The following TBCK variants were observed in gnomAD, a reference collection of about 807,000 sequenced individuals.
The protein encoded by TBCK is TBC1 domain containing kinase, also known as TBC domain-containing protein kinase-like protein.
A neutral mutation model predicts 113.4 loss-of-function variants in TBCK; 99 were observed. The observed-to-expected ratio is 0.87, with a 90% CI of 0.74 to 1.03. The LOEUF (loss-of-function observed/expected upper bound fraction) is 1.03, where lower values mean the gene tolerates loss of function less well. TBCK is among the 50% of genes least tolerant of loss of function. The pLI is 0.00. For synonymous variants in TBCK, 369 were observed against 370.8 expected (o/e 1.00, Z 0.05); for missense variants, 1,045 against 1,061.3 (o/e 0.98, Z 0.21).
At chr4:106,245,890 C>A (rs766296723) in intron 10 of TBCK, among the ~76,000 whole-genome samples, 1 of 152,028 alleles carries the variant, frequency 6.6e-6, no homozygotes, top group Non-Finnish European at 1.5e-5. Flanking sequence ...TCATTTAGAT[C>A]CCATTAGCCA....
chr4:106,290,279 G>A lies in TBCK; in HGVS notation c.266+4815C>T, dbSNP rs553849228. On this transcript the variant is annotated intron_variant, in intron 3 of 25. Coordinates refer to ENST00000394708, the MANE Select transcript of TBCK (RefSeq NM_001163435.3). ...TGCAATCTCCGCCTCCCGGGTTCAC[G>A]CCATTCTCCTGCCTCAGCCTCCTGG... Among the ~76,000 whole-genome samples, 4 of 152,208 alleles carry A rather than the reference G, an allele frequency of 2.6e-5. No individual in the cohort carries two copies. In the East Asian group the frequency reaches 5.8e-4, roughly 22 times the overall value.
chr4:106,310,339 T>C (rs1367751616), intron 1 of TBCK: 1 of 152,096 alleles, frequency 6.6e-6, no homozygotes, highest in African/African-American at 2.4e-5. Flanking sequence ...CAACCTGTAA[T>C]AGTCAAGAGG....
At chr4:106,125,519 G>A (rs1483400612) in intron 23 of TBCK, among the ~76,000 whole-genome samples, 1 of 151,928 alleles carries the variant, frequency 6.6e-6, no homozygotes, top group Non-Finnish European at 1.5e-5. Context: ...ATAAATAAAT[G>A]AATAAAATAA....
At chr4:106,093,372 TG>T (rs1345386822) in intron 25 of TBCK, among the ~76,000 whole-genome samples, 1 of 152,034 alleles carries the variant, frequency 6.6e-6, no homozygotes, top group Non-Finnish European at 1.5e-5. Context: ...CTGGGCGTGG[TG>T]GTGGGTGCCT....
chr4:106,225,446 CA>C (rs1389103658), intron 19 of TBCK, among the ~76,000 whole-genome samples: 2 of 151,946 alleles, frequency 1.3e-5, no homozygotes, highest in Non-Finnish European at 2.9e-5. Flanking sequence ...AACTAAAGAA[CA>C]GTCTTTTTGG....
At chr4:106,073,314 C>T (rs1737721450) in intron 25 of TBCK, among the ~76,000 whole-genome samples, 2 of 152,144 alleles carry the variant, frequency 1.3e-5, no homozygotes, top group Admixed American at 1.3e-4. Context: ...GATGTTGATG[C>T]TATTCCTTTC....
intron 23 of TBCK, among the ~76,000 whole-genome samples, chr4:106,148,566 T>G (rs993362303): frequency 1.3e-5 from 2 of 152,216 alleles, no homozygotes; most frequent in Non-Finnish European, 2.9e-5. Flanking sequence ...GGTGATGAGG[T>G]GCACTGTTAT....
At chr4:106,226,350 TA>T (rs1410111816) in intron 19 of TBCK, among the ~76,000 whole-genome samples, 2 of 152,190 alleles carry the variant, frequency 1.3e-5, no homozygotes, top group African/African-American at 4.8e-5. Flanking sequence ...GAAATCAATG[TA>T]ACAGAAGATG....
At chr4:106,265,412 T>C (rs144653435) in intron 3 of TBCK, among the ~76,000 whole-genome samples, 1 of 151,954 alleles carries the variant, frequency 6.6e-6, no homozygotes, top group Non-Finnish European at 1.5e-5. Flanking sequence ...TATTTTAAGA[T>C]GTACAATTAT....
intron 25 of TBCK, among the ~76,000 whole-genome samples, chr4:106,053,658 T>C (rs1053570163): frequency 3.3e-5 from 5 of 151,682 alleles, no homozygotes; most frequent in African/African-American, 1.2e-4. Context: ...GTCTTTACTA[T>C]CTTCCCTGGA....
chr4:106,309,023 CATTAAGCCAGACAGACCAAAT>C, intron 1 of TBCK, 34 bp from the exon 2 acceptor site: 1 of 1,442,164 alleles, frequency 6.9e-7, no homozygotes, highest in Non-Finnish European at 9.4e-7. Flanking sequence ...ACAGACCAAA[CATTAAGCCAGACAGACCAAAT>C]CTTAAGCATG....
chr4:106,283,524 G>C (rs57146559), intron 3 of TBCK, among the ~76,000 whole-genome samples: 1 of 152,012 alleles, frequency 6.6e-6, no homozygotes, highest in African/African-American at 2.4e-5. Flanking sequence ...GAGATAACAG[G>C]GTTGAGCAAA....
At chr4:106,076,032 C>T (rs778205360) in intron 25 of TBCK, among the ~76,000 whole-genome samples, 20 of 152,172 alleles carry the variant, frequency 1.3e-4, no homozygotes, top group Admixed American at 7.2e-4. Context: ...TCAATCCTGG[C>T]TCTGACACAG....
chr4:106,316,469 G>A (rs921135966), upstream of TBCK: 2 of 1,400,900 alleles, frequency 1.4e-6, no homozygotes, highest in South Asian at 1.2e-5. Context: ...GGTTGAATCT[G>A]TAGAACACTC....
At chr4:106,214,651 G>C (rs1756632765) in intron 19 of TBCK, among the ~76,000 whole-genome samples, 1 of 152,040 alleles carries the variant, frequency 6.6e-6, no homozygotes, top group South Asian at 2.1e-4. Context: ...GAAGTGAGAA[G>C]GAAAGTTTAG....
At chr4:106,313,861 T>C (rs182282191) in intron 1 of TBCK, among the ~76,000 whole-genome samples, 1 of 152,372 alleles carries the variant, frequency 6.6e-6, no homozygotes, top group Admixed American at 6.5e-5. Flanking sequence ...TTAAAAACTA[T>C]GTATTACATA....
intron 25 of TBCK, among the ~76,000 whole-genome samples, chr4:106,057,360 T>G (rs1735553498): frequency 6.6e-6 from 1 of 151,768 alleles, no homozygotes; most frequent in Non-Finnish European, 1.5e-5. Flanking sequence ...GATGCTTAAA[T>G]TTTGGCAAAC....
At chr4:106,141,569 T>G (rs1339252983) in intron 23 of TBCK, among the ~76,000 whole-genome samples, 1 of 140,628 alleles carries the variant, frequency 7.1e-6, no homozygotes, top group African/African-American at 2.5e-5. Flanking sequence ...TATATCAAAC[T>G]GTTGGTGAAA....
At chr4:106,059,301 C>T (rs1176304746) in intron 25 of TBCK, among the ~76,000 whole-genome samples, 2 of 151,692 alleles carry the variant, frequency 1.3e-5, no homozygotes, top group African/African-American at 2.4e-5. Context: ...GTGCATGTCA[C>T]AATTATTGCA....
Sources: gnomAD v4.1 joint callset for allele counts (sites outside exome capture counted in the v4.1 genomes callset) on GRCh38, gnomAD v4.1.1 for gene constraint, MANE v1.5 for transcripts, NCBI Gene and HGNC (gene_info 2026-07-23, HGNC 2026-07-21) for gene names.